The following PLAC1 variants were observed in gnomAD, a reference collection of about 807,000 sequenced individuals.
PLAC1 encodes the protein placenta-specific protein 1.
For missense variants in PLAC1, 136 were observed against 163.2 expected, an observed-to-expected ratio of 0.83 and a Z score of 0.91; for synonymous variants, 68 against 62.1, an observed-to-expected ratio of 1.09 and a Z score of -0.44.
intron 2 of PLAC1, among the ~76,000 whole-genome samples, chrX:134,722,004 A>T: frequency 8.9e-6 from 1 of 112,444 alleles, no homozygotes; most frequent in Non-Finnish European, 1.9e-5. Context: ...GCATTTCCTC[A>T]AAAATTTATA....
intron 2 of PLAC1, among the ~76,000 whole-genome samples, chrX:134,588,323 T>C (rs1602806150): frequency 9.4e-6 from 1 of 106,167 alleles, no homozygotes; most frequent in African/African-American, 3.4e-5. Context: ...TATTTATTTA[T>C]TTATTTATTT....
At chrX:134,632,190 G>A (rs1177830157) in intron 1 of PLAC1, among the ~76,000 whole-genome samples, 2 of 111,479 alleles carry the variant, frequency 1.8e-5, no homozygotes, top group African/African-American at 3.3e-5. Context: ...TAGCACAGCC[G>A]GCACAGAGAC....
intron 2 of PLAC1, among the ~76,000 whole-genome samples, chrX:134,721,755 C>T (rs940765555): frequency 2.7e-4 from 30 of 109,937 alleles, no homozygotes; most frequent in African/African-American, 9.3e-4. Context: ...CCCAGCTACT[C>T]GGGAGGCTGA....
chrX:134,760,085 A>G (rs935906100), intron 1 of PLAC1: 3 of 112,250 alleles, frequency 2.7e-5, no homozygotes, highest in African/African-American at 9.7e-5. Flanking sequence ...CTCTGACTTC[A>G]TTACAATGCA....
chrX:134,645,205 C>G (rs1168098879), intron 1 of PLAC1, among the ~76,000 whole-genome samples: 1 of 110,216 alleles, frequency 9.1e-6, no homozygotes, highest in African/African-American at 3.5e-5. Flanking sequence ...TCCTGTCTCT[C>G]CCCCTGAGTG....
rs997515093 is a variant in PLAC1 at position 134,577,226 on chromosome X, G to A, written c.-58-10486C>T. 2.7e-5 allele frequency among the ~76,000 whole-genome samples: 3 copies of A among 112,270 alleles called. No individual in the cohort carries two copies. The Middle Eastern group carries it at 0.014, about 515-fold the overall frequency. ...GGAGAAACTGAACTAGAATTGCAGTGTAATATCAGGGAGACGTTCCCAACT... is the reference window on the plus strand; with the variant it reads ...GGAGAAACTGAACTAGAATTGCAGTATAATATCAGGGAGACGTTCCCAACT... On this transcript the variant is annotated intron_variant, in intron 2 of 2. Coordinates refer to ENST00000359237, the MANE Select transcript of PLAC1 (RefSeq NM_021796.4).
At chrX:134,725,440 A>G (rs2078671047) in intron 2 of PLAC1, among the ~76,000 whole-genome samples, 1 of 111,318 alleles carries the variant, frequency 9.0e-6, no homozygotes, top group Admixed American at 9.5e-5. Context: ...TCACCTGGAG[A>G]GCTTGTTAAA....
intron 2 of PLAC1, among the ~76,000 whole-genome samples, chrX:134,579,168 A>C (rs965137647): frequency 1.8e-5 from 2 of 110,147 alleles, no homozygotes; most frequent in Non-Finnish European, 3.8e-5. Context: ...CCCCAATAGA[A>C]TGCACTCCCT....
intron 2 of PLAC1, among the ~76,000 whole-genome samples, chrX:134,597,811 T>G (rs144743735): frequency 0.025 from 2,819 of 111,717 alleles, 94 homozygotes; most frequent in African/African-American, 0.088. Context: ...AGGATGCCCC[T>G]TTTCTGGTCC....
chrX:134,599,631 T>C (rs2078079398), intron 2 of PLAC1: 1 of 111,964 alleles, frequency 8.9e-6, no homozygotes, highest in South Asian at 3.7e-4. Context: ...TGATTGGGTT[T>C]TTCCCCCAGC....
At chrX:134,672,514 C>T (rs2078459076) in intron 2 of PLAC1, among the ~76,000 whole-genome samples, 1 of 112,148 alleles carries the variant, frequency 8.9e-6, no homozygotes, top group African/African-American at 3.2e-5. Flanking sequence ...AGGCAATACT[C>T]AGTTATCTTC....
At chrX:134,750,485 T>C (rs1224468591) in intron 1 of PLAC1, among the ~76,000 whole-genome samples, 2 of 110,006 alleles carry the variant, frequency 1.8e-5, no homozygotes, top group African/African-American at 3.3e-5. Flanking sequence ...CCCCTAGCTA[T>C]TGGAGATGTG....
intron 2 of PLAC1, among the ~76,000 whole-genome samples, chrX:134,581,265 G>A (rs1226329331): frequency 9.0e-6 from 1 of 110,819 alleles, no homozygotes; most frequent in Non-Finnish European, 1.9e-5. Context: ...ACCAGAGCTA[G>A]GCAGCCCTAG....
chrX:134,580,449 T>G (rs1004241283), intron 2 of PLAC1, among the ~76,000 whole-genome samples: 1 of 112,015 alleles, frequency 8.9e-6, no homozygotes, highest in Non-Finnish European at 1.9e-5. Flanking sequence ...GGTTAGGAAA[T>G]TCATTAAAGA....
chrX:134,733,951 T>C (rs2078696034), intron 1 of PLAC1, among the ~76,000 whole-genome samples: 1 of 111,903 alleles, frequency 8.9e-6, no homozygotes, highest in Non-Finnish European at 1.9e-5. Flanking sequence ...ACCCTGTCTG[T>C]TTAGTGGCCT....
intron 1 of PLAC1, among the ~76,000 whole-genome samples, chrX:134,740,040 G>A (rs2078712914): frequency 8.9e-6 from 1 of 112,072 alleles, no homozygotes; most frequent in Non-Finnish European, 1.9e-5. Context: ...CATTCAGGCT[G>A]TGCATGGTGG....
chrX:134,566,317 T>C lies in PLAC1; in HGVS notation c.366A>G (p.Pro122=), dbSNP rs1411693741. The C allele has an allele frequency of 6.6e-6, 8 of 1,211,598 alleles. No homozygotes were observed. ...PVSCAAPQKS[P]WLTKPCSMRV... is the part of the protein sequence containing the mutation. ...TCATGGAGCAGGGCTTGGTGAGCCATGGGGACTTTTGGGGGGCAGCACATG... is the reference window on the plus strand; with the variant it reads ...TCATGGAGCAGGGCTTGGTGAGCCACGGGGACTTTTGGGGGGCAGCACATG... The change falls in exon 3 of 3, where the codon CCA becomes CCG. Residue 122 remains proline, a synonymous_variant. Transcript: ENST00000359237.
intron 1 of PLAC1, among the ~76,000 whole-genome samples, chrX:134,754,072 G>A (rs775703234): frequency 8.9e-5 from 10 of 111,981 alleles, no homozygotes; most frequent in Non-Finnish European, 1.7e-4. Context: ...CGTAATTATG[G>A]TGATTTTTAT....
intron 2 of PLAC1, among the ~76,000 whole-genome samples, chrX:134,687,986 T>G (rs1311387121): frequency 9.6e-6 from 1 of 104,552 alleles, no homozygotes; most frequent in Non-Finnish European, 1.9e-5. Flanking sequence ...ACTTAGAGCC[T>G]GTAGACTATC....
Sources: allele counts gnomAD v4.1 joint callset (sites outside exome capture counted in the v4.1 genomes callset), GRCh38; gene constraint gnomAD v4.1.1; transcripts MANE v1.5; gene names NCBI Gene and HGNC (gene_info 2026-07-23, HGNC 2026-07-21).